CSNK1E: variants seen among roughly 807,000 people sequenced by gnomAD.
The protein encoded by CSNK1E is casein kinase 1 epsilon.
Under a neutral mutation model 46.1 loss-of-function variants are expected in CSNK1E, and 17 were observed. The observed-to-expected ratio is 0.37, with a 90% CI of 0.25 to 0.55. The LOEUF (loss-of-function observed/expected upper bound fraction) is 0.55, where lower values mean the gene tolerates loss of function less well. Ranked by LOEUF, CSNK1E falls within the 20% of genes least tolerant of loss-of-function variation. The pLI, the probability that CSNK1E is intolerant of heterozygous loss-of-function variation, is 0.82. For synonymous variants in CSNK1E, 241 were observed against 242.6 expected, an observed-to-expected ratio of 0.99 and a Z score of 0.06; for missense variants, 386 against 595.4, an observed-to-expected ratio of 0.65 and a Z score of 3.66.
chr22:38,298,573 C>A lies in CSNK1E; in HGVS notation c.885+213G>T. ...TCCTCCTTGTTCCGACGGGAGACAG[C>A]GCCCTGCCTGGGCCCTGCTGCCCAT... On this transcript the variant is annotated intron_variant, in intron 7 of 10. Transcript: ENST00000396832. The surrounding 1 kb of genome is among the most constrained non-coding windows in gnomAD (Gnocchi z 4.2). The A allele has an allele frequency of 3.4e-6, 2 of 581,286 alleles. No homozygotes were observed. Among genetic ancestry groups the A allele is most frequent in the East Asian group, 3.1e-5 (1 of 32,604 alleles). The allele number at this position is 581,286 out of a possible 1,614,324, so 36.0% of individuals were successfully genotyped here.
chr22:38,301,556 C>T (rs1426453693), intron 4 of CSNK1E, among the ~76,000 whole-genome samples: 1 of 152,048 alleles, frequency 6.6e-6, no homozygotes, highest in Non-Finnish European at 1.5e-5. Context: ...CCTCAGCCTC[C>T]CGAATAGCTG....
rs1055534780 is a variant in CSNK1E at position 38,298,040 on chromosome 22, G to A, written c.885+746C>T. ...GCACAGCTGAGGCTCAGCCTCTTGC[G>A]CTCACTGGTCAAGTGGCAAATTTTG... On this transcript the variant is annotated intron_variant, in intron 7 of 10. Transcript: ENST00000396832. This position sits in a 1 kb window ranked among gnomAD's most constrained non-coding sequence, Gnocchi z 4.2. The A allele has an allele frequency of 1.1e-5, 13 of 1,173,158 alleles. No individual in the cohort carries two copies. The East Asian group carries it at 2.4e-4, about 21-fold the overall frequency. 72.7% of individuals were successfully genotyped at this position (1,173,158 alleles called of 1,614,324 possible).
chr22:38,314,180 A>C lies in CSNK1E; in HGVS notation c.-12-11T>G. 1.2e-6 allele frequency: 2 copies of C among 1,612,434 alleles called. No homozygotes were observed. Among genetic ancestry groups the C allele is most frequent in the African/African-American group, 1.3e-5 (1 of 75,010 alleles). On this transcript the variant is annotated splice_polypyrimidine_tract_variant and intron_variant, in intron 1 of 10. Transcript: ENST00000396832. The stretch of plus-strand genomic sequence containing the variant: ...CATGGCTCACTCTTGCTGCAGAGGA[A>C]GCAGGAACATGAGGGTCAGCGACGT...
rs1266084846 is a variant in CSNK1E at position 38,300,349 on chromosome 22, C to G, written c.566-284G>C. Reference sequence around the variant, plus strand: ...CCTACTGCCCCCTTGCCTGGCCCACCCCGTGGAGAGGTCACAAGCTTCAGC... The same window carrying G: ...CCTACTGCCCCCTTGCCTGGCCCACGCCGTGGAGAGGTCACAAGCTTCAGC... On this transcript the variant is annotated intron_variant, in intron 5 of 10. Coordinates refer to ENST00000396832, the MANE Select transcript of CSNK1E (RefSeq NM_152221.3). The surrounding 1 kb of genome is among the most constrained non-coding windows in gnomAD (Gnocchi z 4.4). 6.6e-6 allele frequency among the ~76,000 whole-genome samples: 1 copy of G among 152,192 alleles called. No individual in the cohort carries two copies. The highest frequency in any genetic ancestry group is 1.5e-5 in the Non-Finnish European group (1 of 68,030).
At chr22:38,316,335 T>C (rs2092745694) in intron 1 of CSNK1E, among the ~76,000 whole-genome samples, 1 of 152,184 alleles carries the variant, frequency 6.6e-6, no homozygotes, top group East Asian at 1.9e-4. Flanking sequence ...AACACAGGCA[T>C]TGCTTGGAAG....
intron 2 of CSNK1E, among the ~76,000 whole-genome samples, chr22:38,308,922 T>C (rs2092709850): frequency 6.6e-6 from 1 of 152,110 alleles, no homozygotes; most frequent in Non-Finnish European, 1.5e-5. Context: ...GGGTCTTGAA[T>C]GGCCGGCTAA....
chr22:38,300,079 C>T lies in CSNK1E; in HGVS notation c.566-14G>A. 2 of 1,611,462 alleles carry T rather than the reference C, an allele frequency of 1.2e-6. No homozygotes were observed. Among genetic ancestry groups the T allele is most frequent in the Non-Finnish European group, 1.7e-6 (2 of 1,178,382 alleles). ...GACGGCTTTGCTCTGCACAGAGAGT[C>T]AAAGACTAGGTGAGGGACAGGGGTC... On this transcript the variant is annotated splice_polypyrimidine_tract_variant and intron_variant, in intron 5 of 10. Coordinates refer to ENST00000396832, the MANE Select transcript of CSNK1E (RefSeq NM_152221.3). This position sits in a 1 kb window ranked among gnomAD's most constrained non-coding sequence, Gnocchi z 4.4.
Position 38,298,335 on chromosome 22 carries a change from C to A in CSNK1E, c.885+451G>T. 1 of 607,208 alleles carries A rather than the reference C, an allele frequency of 1.6e-6. No individual in the cohort carries two copies. The highest frequency in any genetic ancestry group is 2.5e-6 in the Non-Finnish European group (1 of 397,002). The allele number at this position is 607,208 out of a possible 1,614,324, so 37.6% of individuals were successfully genotyped here. On this transcript the variant is annotated intron_variant, in intron 7 of 10. Coordinates refer to ENST00000396832, the MANE Select transcript of CSNK1E (RefSeq NM_152221.3). The surrounding 1 kb of genome is among the most constrained non-coding windows in gnomAD (Gnocchi z 4.2). The stretch of plus-strand genomic sequence containing the variant: ...TAAAAGAGGGAAACAGAACAACTGC[C>A]TAGCCAGACCCAGGGGCCCATGACC...
rs557378134 is a variant in CSNK1E at position 38,310,386 on chromosome 22, C to A, written c.76+3696G>T. ...GGGCGTGGCCAGCCTCACACGGGGG[C>A]CTACTTGACACCTACACAGACACAT... On this transcript the variant is annotated intron_variant, in intron 2 of 10. Coordinates refer to ENST00000396832, the MANE Select transcript of CSNK1E (RefSeq NM_152221.3). 1.1e-3 allele frequency among the ~76,000 whole-genome samples: 174 copies of A among 152,160 alleles called. 1 individual carries two copies. The highest frequency in any genetic ancestry group is 4.1e-3 in the African/African-American group (172 of 41,508).
intron 2 of CSNK1E, among the ~76,000 whole-genome samples, chr22:38,305,227 G>A (rs2092692985): frequency 1.3e-5 from 2 of 148,214 alleles, no homozygotes; most frequent in South Asian, 2.1e-4. Flanking sequence ...AAACACGAAA[G>A]AAAGGAAAAA....
chr22:38,305,182 T>C (rs1179856049), intron 2 of CSNK1E, among the ~76,000 whole-genome samples: 2 of 133,824 alleles, frequency 1.5e-5, no homozygotes, highest in African/African-American at 5.6e-5. Context: ...TGTTTCCATA[T>C]CAAAACAGGC....
chr22:38,316,855 G>A lies in CSNK1E; in HGVS notation c.-13+305C>T, dbSNP rs1227488363. The A allele has an allele frequency of 3.3e-5, 5 of 152,232 alleles. No homozygotes were observed. The East Asian group carries it at 9.8e-4, about 30-fold the overall frequency. 9.4% of individuals were successfully genotyped at this position (152,232 alleles called of 1,614,324 possible). On this transcript the variant is annotated intron_variant, in intron 1 of 10. Coordinates refer to ENST00000396832, the MANE Select transcript of CSNK1E (RefSeq NM_152221.3). ...CCTCAGCGTCCCCAAATCACAGCCGGGGTGGCCGCCTGGCCGGCCGGGGCC... is the reference window on the plus strand; with the variant it reads ...CCTCAGCGTCCCCAAATCACAGCCGAGGTGGCCGCCTGGCCGGCCGGGGCC...
rs2145839570 is a variant in CSNK1E at position 38,303,395 on chromosome 22, G to A, written c.77-147C>T. 1.5e-6 allele frequency: 1 copy of A among 676,926 alleles called. No individual in the cohort carries two copies. The highest frequency in any genetic ancestry group is 2.7e-5 in the East Asian group (1 of 36,530). The allele number at this position is 676,926 out of a possible 1,614,324, so 41.9% of individuals were successfully genotyped here. ...AGCTCTTGGGGGAGGCTGGGAAGGG[G>A]GCAAAGGAGCCCCGGCAAAGGGTTC... On this transcript the variant is annotated intron_variant, in intron 2 of 10. Transcript: ENST00000396832. The surrounding 1 kb of genome is among the most constrained non-coding windows in gnomAD (Gnocchi z 4.7).
intron 2 of CSNK1E, among the ~76,000 whole-genome samples, chr22:38,306,671 C>T (rs1279979307): frequency 2.6e-5 from 4 of 151,028 alleles, no homozygotes; most frequent in Non-Finnish European, 4.4e-5. Context: ...GCAGAGGTTG[C>T]AGTGAGCCGA....
At position 38,298,530 on chromosome 22, in the gene CSNK1E, A is replaced by T. The variant is rs748956471; in HGVS notation, c.885+256T>A. The T allele has an allele frequency of 4.5e-5, 22 of 487,584 alleles. No individual in the cohort carries two copies. The highest frequency in any genetic ancestry group is 7.8e-5 in the Non-Finnish European group (21 of 267,682). The allele number at this position is 487,584 out of a possible 1,614,324, so 30.2% of individuals were successfully genotyped here. A position where few individuals can be genotyped will look rare whatever the true frequency, so the allele number is the denominator to read the frequency against. ...GCCCTGCTGCGGGCACCCAGGAGGG[A>T]CCCCAGGTGAAGCCAGATCCTCCTT... On this transcript the variant is annotated intron_variant, in intron 7 of 10. Transcript: ENST00000396832. The surrounding 1 kb of genome is among the most constrained non-coding windows in gnomAD (Gnocchi z 4.2).
At chr22:38,296,097 T>A in intron 7 of CSNK1E, 1 of 918,220 alleles carries the variant, frequency 1.1e-6, no homozygotes, top group Non-Finnish European at 1.3e-6. Flanking sequence ...CTGGAGCCCC[T>A]GCCCTTTGTG....
intron 1 of CSNK1E, among the ~76,000 whole-genome samples, chr22:38,315,654 A>ACCC (rs144038868): frequency 3.5e-5 from 5 of 144,470 alleles, no homozygotes; most frequent in Admixed American, 2.7e-4. Context: ...TGTGCACGCA[A>ACCC]CCCCCCCCCA....
At chr22:38,311,130 A>G (rs2092719005) in intron 2 of CSNK1E, among the ~76,000 whole-genome samples, 1 of 151,998 alleles carries the variant, frequency 6.6e-6, no homozygotes, top group African/African-American at 2.4e-5. Flanking sequence ...ACTAAGACCA[A>G]TGGTGGGGGC....
At chr22:38,315,711 G>T (rs1296606817) in intron 1 of CSNK1E, among the ~76,000 whole-genome samples, 1 of 149,616 alleles carries the variant, frequency 6.7e-6, no homozygotes, top group African/African-American at 2.5e-5. Flanking sequence ...GACCACACAT[G>T]GCAGCCAGGA....
Sources: gnomAD v4.1 joint callset for allele counts (sites outside exome capture counted in the v4.1 genomes callset) on GRCh38, gnomAD v4.1.1 for gene constraint, Gnocchi (gnomAD v3.1) non-coding constraint, MANE v1.5 for transcripts, NCBI Gene and HGNC (gene_info 2026-07-23, HGNC 2026-07-21) for gene names.